Variants in ALDH1A2 observed in about 807,000 individuals in gnomAD.
ALDH1A2 encodes the protein aldehyde dehydrogenase 1 family member A2, also known as retinal dehydrogenase 2.
ALDH1A2 carries 27 observed loss-of-function variants against 60.3 expected under a neutral mutation model. The observed-to-expected ratio is 0.45, with a 90% CI of 0.33 to 0.62. The LOEUF is 0.62. Ranked by LOEUF, ALDH1A2 falls within the 20% of genes least tolerant of loss-of-function variation. The pLI, the probability that ALDH1A2 is intolerant of heterozygous loss-of-function variation, is 0.02. For synonymous variants in ALDH1A2, 289 were observed against 232.4 expected, an observed-to-expected ratio of 1.24 and a Z score of -2.21; for missense variants, 581 against 643.8, an observed-to-expected ratio of 0.90 and a Z score of 1.06.
intron 7 of ALDH1A2, among the ~76,000 whole-genome samples, chr15:57,983,743 A>G (rs1894596671): frequency 6.6e-6 from 1 of 152,192 alleles, no homozygotes; most frequent in South Asian, 2.1e-4. Flanking sequence ...CCACACTCTA[A>G]TAGTTACATA....
intron 7 of ALDH1A2, among the ~76,000 whole-genome samples, chr15:57,970,439 T>TTGA (rs1894025640): frequency 6.6e-6 from 1 of 152,308 alleles, no homozygotes; most frequent in Non-Finnish European, 1.5e-5. Flanking sequence ...GGCCTCAAGA[T>TTGA]TGATATCAGG....
intron 7 of ALDH1A2, among the ~76,000 whole-genome samples, chr15:57,978,265 T>C (rs1395813005): frequency 6.6e-6 from 1 of 152,228 alleles, no homozygotes; most frequent in African/African-American, 2.4e-5. Flanking sequence ...ATCCTTTTCT[T>C]GTGCCAGTTT....
intron 1 of ALDH1A2, among the ~76,000 whole-genome samples, chr15:58,051,001 T>C (rs184253271): frequency 1.3e-5 from 2 of 152,304 alleles, no homozygotes; most frequent in East Asian, 3.9e-4. Context: ...CATTTGCTTG[T>C]GACGGTAAAC....
At chr15:57,988,790 C>T (rs768814848) in intron 7 of ALDH1A2, among the ~76,000 whole-genome samples, 8 of 152,200 alleles carry the variant, frequency 5.3e-5, no homozygotes, top group Non-Finnish European at 1.2e-4. Flanking sequence ...GCAATAAGCA[C>T]TTATGGTTTT....
chr15:57,973,246 T>A (rs1364836741), intron 7 of ALDH1A2, among the ~76,000 whole-genome samples: 1 of 152,276 alleles, frequency 6.6e-6, no homozygotes, highest in African/African-American at 2.4e-5. Context: ...AGAGCTCTTT[T>A]ATATTTATTA....
In ALDH1A2 at chr15:57,955,125, G is replaced by A; in HGVS notation, c.*72C>T. On this transcript the variant is annotated 3_prime_UTR_variant, in exon 13 of 13. Coordinates refer to ENST00000249750, the MANE Select transcript of ALDH1A2 (RefSeq NM_003888.4). ...CCGTGGCTCAACTTTGTATTCCTGA[G>A]AGCTGGGCCCTACAGAGAAAGCAGA... The A allele has an allele frequency of 6.9e-7, 1 of 1,456,736 alleles. No individual in the cohort carries two copies. The highest frequency in any genetic ancestry group is 2.3e-5 in the East Asian group (1 of 44,122). The allele number at this position is 1,456,736 out of a possible 1,614,324, so 90.2% of individuals were successfully genotyped here. A position where few individuals can be genotyped will look rare whatever the true frequency, so the allele number is the denominator to read the frequency against.
chr15:58,028,740 G>T (rs1484969789), intron 1 of ALDH1A2, among the ~76,000 whole-genome samples: 1 of 152,062 alleles, frequency 6.6e-6, no homozygotes, highest in Non-Finnish European at 1.5e-5. Context: ...AACAAAAGCA[G>T]GGGTTGCAAT....
At chr15:58,029,975 T>C (rs1896188430) in intron 1 of ALDH1A2, among the ~76,000 whole-genome samples, 1 of 152,184 alleles carries the variant, frequency 6.6e-6, no homozygotes, top group African/African-American at 2.4e-5. Context: ...GACGATCTGG[T>C]ACCATTCCTT....
At chr15:58,027,072 C>T (rs1896100140) in intron 1 of ALDH1A2, among the ~76,000 whole-genome samples, 2 of 152,192 alleles carry the variant, frequency 1.3e-5, no homozygotes, top group South Asian at 2.1e-4. Flanking sequence ...AAACTGCCTC[C>T]TCAAGTGGGT....
At position 57,954,544 on chromosome 15, in the gene ALDH1A2, T is replaced by A. The variant is rs1370520226; in HGVS notation, c.*653A>T. 1.3e-5 allele frequency: 2 copies of A among 157,182 alleles called. No individual in the cohort carries two copies. The highest frequency in any genetic ancestry group is 4.8e-5 in the African/African-American group (2 of 41,476). The allele number at this position is 157,182 out of a possible 1,614,324, so 9.7% of individuals were successfully genotyped here. On this transcript the variant is annotated 3_prime_UTR_variant, in exon 13 of 13. Transcript: ENST00000249750. ...TGTCCCAATCTTTTTTCATTCATGT[T>A]ATTTATGGGTAAAAGAAAACCAGAT...
At chr15:58,051,108 G>C (rs760404465) in intron 1 of ALDH1A2, among the ~76,000 whole-genome samples, 1 of 152,036 alleles carries the variant, frequency 6.6e-6, no homozygotes. Context: ...CAAATGAAAA[G>C]GTTTGCACTT....
chr15:57,969,293 A>G (rs528699466), intron 7 of ALDH1A2, among the ~76,000 whole-genome samples: 42 of 152,206 alleles, frequency 2.8e-4, no homozygotes, highest in Non-Finnish European at 4.3e-4. Flanking sequence ...TAGATGTTCA[A>G]TAAATGTGGC....
chr15:57,997,393 T>C (rs1895099084), intron 4 of ALDH1A2, among the ~76,000 whole-genome samples: 2 of 151,950 alleles, frequency 1.3e-5, no homozygotes, highest in South Asian at 2.1e-4. Context: ...ACTCTCTAAG[T>C]TGGTTAAGGT....
rs1194436317 is a variant in ALDH1A2, at chr15:57,953,613, T to A, written c.*1584A>T. 6.5e-6 allele frequency: 1 copy of A among 152,718 alleles called. No individual in the cohort carries two copies. Among genetic ancestry groups the A allele is most frequent in the Non-Finnish European group, 1.5e-5 (1 of 68,056 alleles). 9.5% of individuals were successfully genotyped at this position (152,718 alleles called of 1,614,324 possible). ...CATGGAAGCACTCAGAAATACGGCA[T>A]CTGTCAGGGCTCACGGCACTGGGCT... is the stretch of plus-strand genomic sequence containing the variant. On this transcript the variant is annotated 3_prime_UTR_variant, in exon 13 of 13. Coordinates refer to ENST00000249750, the MANE Select transcript of ALDH1A2 (RefSeq NM_003888.4).
chr15:58,062,969 A>G (rs1486948854), intron 1 of ALDH1A2, among the ~76,000 whole-genome samples: 1 of 152,230 alleles, frequency 6.6e-6, no homozygotes, highest in African/African-American at 2.4e-5. Flanking sequence ...CTAGCAGGCA[A>G]AGGCAGTAAC....
At chr15:58,042,679 T>C (rs1896548686) in intron 1 of ALDH1A2, among the ~76,000 whole-genome samples, 1 of 151,930 alleles carries the variant, frequency 6.6e-6, no homozygotes, top group African/African-American at 2.4e-5. Flanking sequence ...CTTGTCTGAA[T>C]TGAAGTTAAG....
chr15:58,054,886 A>G (rs1266016281), intron 1 of ALDH1A2, among the ~76,000 whole-genome samples: 2 of 152,308 alleles, frequency 1.3e-5, no homozygotes, highest in East Asian at 1.9e-4. Flanking sequence ...ATGTATACCT[A>G]AAGTGTCAAA....
intron 1 of ALDH1A2, among the ~76,000 whole-genome samples, chr15:58,024,360 T>G (rs908505442): frequency 1.3e-5 from 2 of 151,970 alleles, no homozygotes; most frequent in South Asian, 2.1e-4. Flanking sequence ...AAATGTAGAC[T>G]GAAAGTTAAG....
chr15:57,994,184 G>C (rs1210685758), intron 5 of ALDH1A2, among the ~76,000 whole-genome samples: 1 of 152,158 alleles, frequency 6.6e-6, no homozygotes, highest in Non-Finnish European at 1.5e-5. Flanking sequence ...GGTCCAAGTA[G>C]GATTTCCCCA....
Sources: gnomAD v4.1 joint callset for allele counts (sites outside exome capture counted in the v4.1 genomes callset) on GRCh38, gnomAD v4.1.1 for gene constraint, MANE v1.5 for transcripts, NCBI Gene and HGNC (gene_info 2026-07-23, HGNC 2026-07-21) for gene names.